TMC3: variants seen among roughly 807,000 people sequenced by gnomAD.
The protein encoded by TMC3 is transmembrane channel-like protein 3.
A neutral mutation model predicts 110.6 loss-of-function variants in TMC3; 98 were observed. The ratio of observed to expected loss-of-function variants is 0.89; its 90% CI spans 0.75 to 1.05. The LOEUF is 1.05. Ranked by LOEUF, TMC3 falls within the 50% of genes least tolerant of loss-of-function variation. The probability of loss-of-function intolerance (pLI) is 0.00; values close to 1 mark genes in which losing one functional copy is unlikely to be tolerated. For missense variants in TMC3, 1,319 were observed against 1,373.2 expected (o/e 0.96, Z 0.62); for synonymous variants, 489 against 513.1 (o/e 0.95, Z 0.63).
chr15:81,338,288 CTACTCAGCTGAGT>C (rs1893640670), intron 18 of TMC3, among the ~76,000 whole-genome samples: 1 of 152,158 alleles, frequency 6.6e-6, no homozygotes, highest in Non-Finnish European at 1.5e-5. Context: ...TAAGCCAAAG[CTACTCAGCTGAGT>C]TGTGAAATTC....
chr15:81,356,356 G>T (rs1894060432), intron 8 of TMC3, 91 bp downstream of exon 8: 2 of 1,383,268 alleles, frequency 1.4e-6, no homozygotes, highest in Admixed American at 2.5e-5. Context: ...TCAATGGGAA[G>T]AGGATGGTTC....
intron 21 of TMC3, 70 bp downstream of exon 21, chr15:81,334,650 T>C: frequency 6.5e-7 from 1 of 1,531,822 alleles, no homozygotes; most frequent in Non-Finnish European, 8.8e-7. Flanking sequence ...GGCCTTGGCC[T>C]CCTGAAGCTG....
intron 11 of TMC3, among the ~76,000 whole-genome samples, chr15:81,347,934 AG>A (rs1197935679): frequency 6.6e-6 from 1 of 152,198 alleles, no homozygotes; most frequent in African/African-American, 2.4e-5. Context: ...TGGGCCATGA[AG>A]GTTTGACCAA....
At chr15:81,341,919 T>C (rs28360892) in intron 15 of TMC3, among the ~76,000 whole-genome samples, 1,574 of 152,340 alleles carry the variant, frequency 0.01, 28 homozygotes, top group African/African-American at 0.036. Flanking sequence ...TTTGGGCACC[T>C]AGTTTTGCTG....
intron 3 of TMC3, 84 bp from the exon 4 acceptor site, chr15:81,362,385 T>C: frequency 9.9e-7 from 1 of 1,006,936 alleles, no homozygotes; most frequent in South Asian, 1.4e-5. Context: ...AAATGGAGTA[T>C]ACCAGACACT....
At chr15:81,369,686 G>A (rs1894392431) in intron 2 of TMC3, among the ~76,000 whole-genome samples, 1 of 152,116 alleles carries the variant, frequency 6.6e-6, no homozygotes, top group African/African-American at 2.4e-5. Flanking sequence ...CACTTTGGGA[G>A]GCTGAGGTGG....
At chr15:81,345,160 A>G in intron 12 of TMC3, 149 bp from the exon 13 acceptor site, 4 of 1,381,742 alleles carry the variant, frequency 2.9e-6, no homozygotes, top group Non-Finnish European at 3.8e-6. Context: ...TTTCTAGACC[A>G]TCACTTGACT....
chr15:81,342,883 A>G (rs1164925218), intron 15 of TMC3: 2 of 163,076 alleles, frequency 1.2e-5, no homozygotes, highest in African/African-American at 4.8e-5. Flanking sequence ...CTAAGTGAAA[A>G]TTAGGAGGAA....
intron 10 of TMC3, 117 bp downstream of exon 10, chr15:81,351,577 C>G: frequency 7.6e-7 from 1 of 1,324,226 alleles, no homozygotes; most frequent in Non-Finnish European, 1.0e-6. Context: ...GGCTGGAACT[C>G]CTGACCTCAA....
intron 19 of TMC3, among the ~76,000 whole-genome samples, chr15:81,337,236 A>G (rs997841295): frequency 1.3e-5 from 2 of 152,084 alleles, no homozygotes; most frequent in African/African-American, 4.8e-5. Flanking sequence ...TGGGAGCCTC[A>G]CTGGCCTCAT....
chr15:81,364,731 A>AT (rs1341922215), intron 3 of TMC3, among the ~76,000 whole-genome samples: 3 of 140,322 alleles, frequency 2.1e-5, no homozygotes, highest in African/African-American at 3.1e-5. Context: ...TAAAACTGTA[A>AT]TAAAAAAAAA....
intron 4 of TMC3, chr15:81,362,016 G>C (rs1309958617): frequency 2.1e-6 from 1 of 487,330 alleles, no homozygotes; most frequent in Admixed American, 3.3e-5. Flanking sequence ...AAAGGCCCAC[G>C]TCCAGACTGT....
chr15:81,351,664 T>C (rs746816091), intron 10 of TMC3, 30 bp downstream of exon 10: 30 of 1,551,614 alleles, frequency 1.9e-5, no homozygotes, highest in Non-Finnish European at 2.6e-5. Context: ...GTCTCTTTTC[T>C]AGGGTGCTGC....
At chr15:81,343,746 A>C in intron 14 of TMC3, among the ~76,000 whole-genome samples, 171 bp downstream of exon 14, 1 of 136,912 alleles carries the variant, frequency 7.3e-6, no homozygotes, top group South Asian at 2.3e-4. Context: ...AAAAACAGAC[A>C]AAAAAAAAAA....
At chr15:81,364,689 A>AAAAT (rs147191865) in intron 3 of TMC3, among the ~76,000 whole-genome samples, 1,895 of 141,334 alleles carry the variant, frequency 0.013, 63 homozygotes, top group African/African-American at 0.049. Flanking sequence ...TAATAAAAAA[A>AAAAT]AACATTATTC....
intron 9 of TMC3, among the ~76,000 whole-genome samples, chr15:81,355,259 G>A (rs1344976218): frequency 6.6e-6 from 1 of 152,194 alleles, no homozygotes; most frequent in Non-Finnish European, 1.5e-5. Flanking sequence ...CCTGGGAATG[G>A]CTTTCCCTTT....
chr15:81,358,670 T>C (rs917046399), intron 5 of TMC3, among the ~76,000 whole-genome samples, 170 bp from the exon 6 acceptor site: 3 of 152,114 alleles, frequency 2.0e-5, no homozygotes, highest in African/African-American at 4.8e-5. Flanking sequence ...GCGGCCAGAT[T>C]TTCTTTTTGC....
chr15:81,365,670 C>CAAAAAAAA (rs398043535), intron 3 of TMC3, among the ~76,000 whole-genome samples: 9 of 82,018 alleles, frequency 1.1e-4, no homozygotes, highest in African/African-American at 2.3e-4. Context: ...GACTCTGTCT[C>CAAAAAAAA]AAAAAAAAAA....
chr15:81,332,816 G>A lies in TMC3; in HGVS notation c.2906C>T (p.Ala969Val). The change falls in exon 22 of 22, where the codon GCT (alanine) becomes GTT (valine). Residue 969 changes from alanine to valine, a missense_variant. Transcript: ENST00000359440. Reference protein sequence around the residue: ...PPRSLIDLRRAPHFYIGERSE... With the variant: ...PPRSLIDLRRVPHFYIGERSE... ...CCTCTCCCCAATATAAAAATGAGGA[G>A]CCCGACGGAGGTCTATCAGGGAGCG... The A allele has an allele frequency of 1.2e-6, 2 of 1,612,088 alleles. No homozygotes were observed. The highest frequency in any genetic ancestry group is 2.2e-5 in the East Asian group (1 of 44,856).
Sources: gnomAD v4.1 joint callset for allele counts (sites outside exome capture counted in the v4.1 genomes callset) on GRCh38, gnomAD v4.1.1 for gene constraint, MANE v1.5 for transcripts, NCBI Gene and HGNC (gene_info 2026-07-23, HGNC 2026-07-21) for gene names.